NLGN4X: variants seen among roughly 807,000 people sequenced by gnomAD.
The protein encoded by NLGN4X is neuroligin 4 X-linked, also known as neuroligin-4, X-linked.
In NLGN4X, 3 loss-of-function variants were observed where a neutral mutation model predicts 40.3. That is an observed-to-expected ratio of 0.07 (90% CI 0.03 to 0.19). NLGN4X has a LOEUF of 0.19. Among genes scored for constraint, NLGN4X ranks in the 10% least tolerant of loss-of-function variants. The pLI is 1.00. For synonymous variants in NLGN4X, 270 were observed against 306.8 expected (o/e 0.88, Z 1.25); for missense variants, 382 against 708.3 (o/e 0.54, Z 5.23).
At chrX:6,135,790 G>C (rs1315174981) in intron 2 of NLGN4X, among the ~76,000 whole-genome samples, 1 of 111,588 alleles carries the variant, frequency 9.0e-6, no homozygotes, top group Non-Finnish European at 1.9e-5. Context: ...GCCTCTCTAA[G>C]AAAGCCAAAG....
chrX:6,120,395 G>T lies in NLGN4X; in HGVS notation c.472+30600C>A, dbSNP rs181078545. 5.4e-5 allele frequency among the ~76,000 whole-genome samples: 6 copies of T among 111,801 alleles called. No homozygotes were observed. The East Asian group carries it at 1.4e-3, about 26-fold the overall frequency. On this transcript the variant is annotated intron_variant, in intron 2 of 5. Transcript: ENST00000381095. Reference sequence around the variant, plus strand: ...AATTAAAGAACTGTAGAACAGTACTGGGAGTGGCAGAGCTCCTTGGTAGCT... The same window carrying T: ...AATTAAAGAACTGTAGAACAGTACTTGGAGTGGCAGAGCTCCTTGGTAGCT...
chrX:6,145,358 G>A (rs377458145), intron 2 of NLGN4X, among the ~76,000 whole-genome samples: 2 of 112,318 alleles, frequency 1.8e-5, no homozygotes, highest in Non-Finnish European at 3.8e-5. Context: ...AGCAAAGAAC[G>A]AGATATGAAG....
At chrX:6,160,521 T>A (rs774198762) in intron 1 of NLGN4X, among the ~76,000 whole-genome samples, 194 of 101,238 alleles carry the variant, frequency 1.9e-3, no homozygotes, top group Admixed American at 3.8e-3. Flanking sequence ...TATGAAATTA[T>A]ATCTATAAAA....
intron 3 of NLGN4X, among the ~76,000 whole-genome samples, chrX:5,959,406 G>A (rs1325901452): frequency 9.0e-6 from 1 of 111,461 alleles, no homozygotes; most frequent in African/African-American, 3.3e-5. Context: ...TAATGTTATG[G>A]GCCAATGAGA....
chrX:6,084,770 ACT>A (rs2038455990), intron 2 of NLGN4X, among the ~76,000 whole-genome samples: 2 of 110,323 alleles, frequency 1.8e-5, no homozygotes, highest in Admixed American at 1.9e-4. Context: ...GAGTGGGTTC[ACT>A]CTCTTAAGCT....
chrX:6,215,452 G>A (rs922601403), intron 1 of NLGN4X, among the ~76,000 whole-genome samples: 9 of 109,664 alleles, frequency 8.2e-5, no homozygotes, highest in Non-Finnish European at 1.7e-4. Context: ...GGGAGACTGA[G>A]GCAGGAGAAA....
At chrX:6,132,156 AGG>A (rs893974836) in intron 2 of NLGN4X, among the ~76,000 whole-genome samples, 4 of 111,962 alleles carry the variant, frequency 3.6e-5, no homozygotes, top group Non-Finnish European at 7.5e-5. Context: ...GACTTAGAGC[AGG>A]GTTTCACAAC....
chrX:6,095,098 CGTGCGTGTGTGTGTGTGT>C (rs1440943667), intron 2 of NLGN4X, among the ~76,000 whole-genome samples: 22 of 22,258 alleles, frequency 9.9e-4, no homozygotes, highest in African/African-American at 4.3e-3. Context: ...TAAGTACGTG[CGTGCGTGTGTGTGTGTGT>C]GTGTGTGTGT....
chrX:5,936,607 C>T (rs765901299), intron 3 of NLGN4X, among the ~76,000 whole-genome samples: 1 of 111,586 alleles, frequency 9.0e-6, no homozygotes, highest in Non-Finnish European at 1.9e-5. Flanking sequence ...CAGCTACGTC[C>T]CCTGAGAGTT....
intron 2 of NLGN4X, among the ~76,000 whole-genome samples, chrX:6,041,960 G>A (rs2037171045): frequency 1.8e-5 from 2 of 112,209 alleles, no homozygotes; most frequent in Admixed American, 1.9e-4. Context: ...AACTTTGAGA[G>A]TAGAAATTAA....
At chrX:5,908,665 T>C (rs1020569957) in intron 4 of NLGN4X, among the ~76,000 whole-genome samples, 2 of 111,900 alleles carry the variant, frequency 1.8e-5, no homozygotes, top group African/African-American at 6.5e-5. Flanking sequence ...TCCCAGCACT[T>C]TGAGAGGCCA....
chrX:5,972,499 G>C (rs894045527), intron 3 of NLGN4X, among the ~76,000 whole-genome samples: 1 of 111,258 alleles, frequency 9.0e-6, no homozygotes, highest in African/African-American at 3.3e-5. Context: ...CAAAAACAAA[G>C]TTGTCACTAA....
At chrX:5,945,577 G>A (rs943490066) in intron 3 of NLGN4X, among the ~76,000 whole-genome samples, 4 of 111,412 alleles carry the variant, frequency 3.6e-5, no homozygotes, top group Admixed American at 9.6e-5. Flanking sequence ...CAGCCATGGC[G>A]CTTGTCTGGA....
intron 3 of NLGN4X, among the ~76,000 whole-genome samples, chrX:5,952,466 T>C (rs528890534): frequency 1.8e-5 from 2 of 109,614 alleles, no homozygotes; most frequent in South Asian, 4.1e-4. Flanking sequence ...CCTGTATCTA[T>C]TGCCTATTTT....
At chrX:5,990,128 T>G (rs1366186738) in intron 3 of NLGN4X, among the ~76,000 whole-genome samples, 1 of 105,764 alleles carries the variant, frequency 9.5e-6, no homozygotes, top group Non-Finnish European at 1.9e-5. Context: ...TATATCTAAA[T>G]CCACCCAAAC....
At position 5,986,310 on chromosome X, in the gene NLGN4X, AAG is replaced by A. The variant is rs776915884; in HGVS notation, c.625+42968_625+42969del. Among the ~76,000 whole-genome samples the A allele has an allele frequency of 3.3e-4, 37 of 112,394 alleles. 1 individual carries two copies. The highest frequency in any genetic ancestry group is 5.8e-4 in the Non-Finnish European group (31 of 53,285). On this transcript the variant is annotated intron_variant, in intron 3 of 5. Transcript: ENST00000381095. ...GTGATGATTGGCACAGAGGTAGACAAAGAGATCACTTGAACTTTAGTGACATG... is the reference window on the plus strand; with the variant it reads ...GTGATGATTGGCACAGAGGTAGACAAAGATCACTTGAACTTTAGTGACATG...
intron 2 of NLGN4X, among the ~76,000 whole-genome samples, chrX:6,150,635 A>C (rs963872368): frequency 1.8e-5 from 2 of 112,203 alleles, no homozygotes; most frequent in Non-Finnish European, 3.8e-5. Flanking sequence ...AGTGTACTTA[A>C]TTCTATTATT....
chrX:6,114,566 G>A (rs1377630522), intron 2 of NLGN4X, among the ~76,000 whole-genome samples: 1 of 100,503 alleles, frequency 9.9e-6, no homozygotes, highest in East Asian at 3.1e-4. Flanking sequence ...ACACAAACAT[G>A]CACACATACA....
intron 3 of NLGN4X, among the ~76,000 whole-genome samples, chrX:5,954,640 C>G (rs781319851): frequency 6.6e-5 from 7 of 106,646 alleles, no homozygotes; most frequent in Non-Finnish European, 9.7e-5. Context: ...CTCTGTCTCT[C>G]TCTCTCTCTC....
Sources: gnomAD v4.1 joint callset for allele counts (sites outside exome capture counted in the v4.1 genomes callset) on GRCh38, gnomAD v4.1.1 for gene constraint, MANE v1.5 for transcripts, NCBI Gene and HGNC (gene_info 2026-07-23, HGNC 2026-07-21) for gene names.